Variants in STMN3 observed in about 807,000 individuals in gnomAD.
The protein encoded by STMN3 is stathmin 3.
Under a neutral mutation model 23.2 loss-of-function variants are expected in STMN3, and 24 were observed. The observed-to-expected ratio is 1.03, with a 90% CI of 0.75 to 1.45. The LOEUF (loss-of-function observed/expected upper bound fraction) is 1.45, where lower values mean the gene tolerates loss of function less well. Ranked by LOEUF, STMN3 falls within the 40% of genes most tolerant of loss-of-function variation. The pLI is 0.00. For missense variants in STMN3, 235 were observed against 237.6 expected (o/e 0.99, Z 0.07); for synonymous variants, 117 against 103.4 (o/e 1.13, Z -0.80).
At chr20:63,645,003 C>G (rs900815600) in intron 1 of STMN3, among the ~76,000 whole-genome samples, 1 of 152,216 alleles carries the variant, frequency 6.6e-6, no homozygotes, top group African/African-American at 2.4e-5. Flanking sequence ...TGTTTACCTT[C>G]TGTGTGTCTG....
At chr20:63,644,921 C>T (rs949841609) in intron 1 of STMN3, among the ~76,000 whole-genome samples, 7 of 152,136 alleles carry the variant, frequency 4.6e-5, no homozygotes, top group African/African-American at 9.7e-5. Flanking sequence ...AAGTTCCTGT[C>T]GTCTATAAAC....
At chr20:63,647,891 TAC>T (rs2089827002) in intron 1 of STMN3, among the ~76,000 whole-genome samples, 1 of 129,812 alleles carries the variant, frequency 7.7e-6, no homozygotes, top group South Asian at 2.3e-4. Flanking sequence ...TTAATATATA[TAC>T]GTATATATAC....
intron 3 of STMN3, 37 bp from the exon 4 acceptor site, chr20:63,642,336 C>T: frequency 2.2e-6 from 3 of 1,371,338 alleles, no homozygotes; most frequent in Non-Finnish European, 2.8e-6. Context: ...AGCGGCAACC[C>T]CGGGCCCTGC....
At chr20:63,644,036 G>C (rs751010777) in intron 2 of STMN3, 105 bp from the exon 3 acceptor site, 290 of 1,484,152 alleles carry the variant, frequency 2.0e-4, no homozygotes, top group Admixed American at 3.4e-4. Flanking sequence ...TGGGCGAGAG[G>C]GGGTGGCTGC....
Position 63,644,213 on chromosome 20 carries a change from C to A in STMN3, c.115+1G>T. On this transcript the variant is annotated splice_donor_variant, in intron 2 of 4. Transcript: ENST00000370053. LOFTEE classifies it high-confidence loss of function. ...AGGGCAGGCGGCAGCCAGGCACTCA[C>A]CCCCGTACTGGTAGACGGTATTGGG... 1 of 1,612,040 alleles carries A rather than the reference C, an allele frequency of 6.2e-7. No individual in the cohort carries two copies. The highest frequency in any genetic ancestry group is 8.5e-7 in the Non-Finnish European group (1 of 1,178,654).
intron 1 of STMN3, among the ~76,000 whole-genome samples, chr20:63,646,437 C>T (rs2089809807): frequency 6.6e-6 from 1 of 152,046 alleles, no homozygotes; most frequent in South Asian, 2.1e-4. Flanking sequence ...TCACCGCAAG[C>T]TCCGCCTCCT....
chr20:63,652,731 C>T lies in STMN3; in HGVS notation c.19+596G>A. On this transcript the variant is annotated intron_variant, in intron 1 of 4. Coordinates refer to ENST00000370053, the MANE Select transcript of STMN3 (RefSeq NM_015894.4). This position sits in a 1 kb window ranked among gnomAD's most constrained non-coding sequence, Gnocchi z 5.3. ...TTCTGGCCAGAGCAGGTGGCGCGGG[C>T]GTCGCAAAGGGTGGTCCCCGAGGCC... The T allele has an allele frequency of 1.0e-6, 1 of 985,880 alleles. No homozygotes were observed. The highest frequency in any genetic ancestry group is 1.2e-6 in the Non-Finnish European group (1 of 830,342). 61.1% of individuals were successfully genotyped at this position (985,880 alleles called of 1,614,324 possible).
chr20:63,644,094 C>G (rs1338298607), intron 2 of STMN3, 120 bp downstream of exon 2: 2 of 1,331,108 alleles, frequency 1.5e-6, no homozygotes, highest in Admixed American at 2.1e-5. Context: ...CCCCTTCCCC[C>G]TAGAACCTCC....
At position 63,641,505 on chromosome 20, in the gene STMN3, C is replaced by T. The variant is rs1307117737; in HGVS notation, c.484-108G>A. 3 of 877,712 alleles carry T rather than the reference C, an allele frequency of 3.4e-6. No individual in the cohort carries two copies. The African/African-American group carries it at 5.0e-5, about 15-fold the overall frequency. The allele number at this position is 877,712 out of a possible 1,614,324, so 54.4% of individuals were successfully genotyped here. On this transcript the variant is annotated intron_variant, in intron 4 of 4. Transcript: ENST00000370053. ...GCCCTGGCACCCGCCCGGCCTCATC[C>T]GGGCTGGCCTTCGGCAGGACCCTGA...
chr20:63,647,662 A>AAT (rs544266307), intron 1 of STMN3, among the ~76,000 whole-genome samples: 4 of 130,390 alleles, frequency 3.1e-5, no homozygotes, highest in Non-Finnish European at 3.2e-5. Flanking sequence ...GTATATATAT[A>AAT]ATATATATAT....
At position 63,644,329 on chromosome 20, in the gene STMN3, C is replaced by T. The variant is rs1259834435; in HGVS notation, c.20-20G>A. 3 of 1,600,482 alleles carry T rather than the reference C, an allele frequency of 1.9e-6. No individual in the cohort carries two copies. The highest frequency in any genetic ancestry group is 1.1e-5 in the South Asian group (1 of 89,718). On this transcript the variant is annotated intron_variant, in intron 1 of 4. Coordinates refer to ENST00000370053, the MANE Select transcript of STMN3 (RefSeq NM_015894.4). The stretch of plus-strand genomic sequence containing the variant: ...TGTAGGCTGTGGGCACAAGGCTGGG[C>T]TGAGCAAGCACCACTGGGGCCTGCC...
In STMN3 at chr20:63,642,271, A is replaced by C. The variant is rs1310080665; in HGVS notation, c.320T>G (p.Leu107Arg). 4 of 1,543,294 alleles carry C rather than the reference A, an allele frequency of 2.6e-6. No individual in the cohort carries two copies. In the South Asian group the frequency reaches 4.7e-5, roughly 18 times the overall value. ...GCGCTCGTGCTCGCGCCGCTCCGCC[A>C]GCTGCTTCAGCACCTGCGCCTCCTG... Reference protein sequence around the residue: ...KTQEAQVLKQLAERREHEREV... With the variant: ...KTQEAQVLKQRAERREHEREV... The change falls in exon 4 of 5, where the codon CTG becomes CGG. Residue 107 changes from leucine (L) to arginine (R), a missense_variant. Physicochemically the swap from Leu to Arg is moderately radical, Grantham distance 102 (BLOSUM62 -2). Transcript: ENST00000370053.
chr20:63,646,424 G>A (rs964604027), intron 1 of STMN3, among the ~76,000 whole-genome samples: 2 of 151,874 alleles, frequency 1.3e-5, no homozygotes, highest in Non-Finnish European at 2.9e-5. Context: ...GTGCGATCTC[G>A]GCTCACCGCA....
chr20:63,646,783 G>T (rs924217209), intron 1 of STMN3, among the ~76,000 whole-genome samples: 3 of 151,184 alleles, frequency 2.0e-5, no homozygotes, highest in Non-Finnish European at 4.4e-5. Flanking sequence ...TGGGACTACA[G>T]GTGCATGCCA....
chr20:63,640,976 C>T lies in STMN3; in HGVS notation c.*362G>A. ...AGGGGCGCCGGCTCAGAGGACCTGC[C>T]CTGACCTGCACGTGCTGACCAGACA... is the stretch of plus-strand genomic sequence containing the variant. On this transcript the variant is annotated 3_prime_UTR_variant, in exon 5 of 5. Coordinates refer to ENST00000370053, the MANE Select transcript of STMN3 (RefSeq NM_015894.4). 2.6e-6 allele frequency: 1 copy of T among 386,108 alleles called. No homozygotes were observed. The highest frequency in any genetic ancestry group is 2.1e-5 in the South Asian group (1 of 47,636). The allele number at this position is 386,108 out of a possible 1,614,324, so 23.9% of individuals were successfully genotyped here. A position where few individuals can be genotyped will look rare whatever the true frequency, so the allele number is the denominator to read the frequency against.
chr20:63,647,471 C>G (rs1255352170), intron 1 of STMN3, among the ~76,000 whole-genome samples: 3 of 150,606 alleles, frequency 2.0e-5, no homozygotes, highest in Non-Finnish European at 4.4e-5. Flanking sequence ...CAAAAATTAG[C>G]CAGGCATGGT....
At chr20:63,649,338 G>A (rs1019687499) in intron 1 of STMN3, among the ~76,000 whole-genome samples, 5 of 152,162 alleles carry the variant, frequency 3.3e-5, no homozygotes, top group Non-Finnish European at 7.4e-5. Context: ...GCACAGGGCA[G>A]GGCTGGTCAG....
intron 1 of STMN3, among the ~76,000 whole-genome samples, chr20:63,647,903 C>T (rs1239752130): frequency 2.6e-5 from 3 of 115,194 alleles, no homozygotes; most frequent in South Asian, 2.6e-4. Context: ...CGTATATATA[C>T]ACGTGTGTAT....
Position 63,640,994 on chromosome 20 carries a change from A to G in STMN3, c.*344T>C. On this transcript the variant is annotated 3_prime_UTR_variant, in exon 5 of 5. Transcript: ENST00000370053. ...GACCTGCCCTGACCTGCACGTGCTG[A>G]CCAGACAGCCCAGCGTAAGGACCCG... The G allele has an allele frequency of 2.5e-6, 1 of 406,370 alleles. No individual in the cohort carries two copies. Among genetic ancestry groups the G allele is most frequent in the South Asian group, 2.1e-5 (1 of 48,282 alleles). 25.2% of individuals were successfully genotyped at this position (406,370 alleles called of 1,614,324 possible). A position where few individuals can be genotyped will look rare whatever the true frequency, so the allele number is the denominator to read the frequency against.
Sources: gnomAD v4.1 joint callset for allele counts (sites outside exome capture counted in the v4.1 genomes callset) on GRCh38, gnomAD v4.1.1 for gene constraint, Gnocchi (gnomAD v3.1) non-coding constraint, MANE v1.5 for transcripts, NCBI Gene and HGNC (gene_info 2026-07-23, HGNC 2026-07-21) for gene names.